Variants in LIN28B observed in about 807,000 individuals in gnomAD.
LIN28B encodes lin-28 RNA binding posttranscriptional regulator B.
A neutral mutation model predicts 21.9 loss-of-function variants in LIN28B; 5 were observed. The observed-to-expected ratio is 0.23, with a 90% CI of 0.12 to 0.48. LIN28B has a LOEUF of 0.48. LIN28B is among the 20% of genes least tolerant of loss of function. LIN28B has a pLI of 0.98. For missense variants in LIN28B, 245 were observed against 310.5 expected, an observed-to-expected ratio of 0.79 and a Z score of 1.58; for synonymous variants, 109 against 111.3, an observed-to-expected ratio of 0.98 and a Z score of 0.13.
upstream of LIN28B, among the ~76,000 whole-genome samples, chr6:104,954,014 T>C (rs189193424): frequency 1.6e-3 from 239 of 152,282 alleles, 2 homozygotes; most frequent in African/African-American, 5.7e-3. Flanking sequence ...ATGGGGATGA[T>C]TGTGATAGCC....
chr6:104,994,452 T>A (rs2181193), intron 2 of LIN28B, among the ~76,000 whole-genome samples: 103,930 of 152,128 alleles, frequency 0.68, 35,575 homozygotes, highest in South Asian at 0.72. Context: ...TATTTAGGAT[T>A]TAAAAATGGA....
intron 2 of LIN28B, among the ~76,000 whole-genome samples, chr6:104,999,986 A>T (rs529232637): frequency 6.6e-6 from 1 of 152,218 alleles, no homozygotes; most frequent in East Asian, 1.9e-4. Flanking sequence ...AAGTTCTTTG[A>T]TTTCCTTGGC....
At chr6:105,020,634 T>C (rs1315102288) in intron 2 of LIN28B, among the ~76,000 whole-genome samples, 2 of 152,064 alleles carry the variant, frequency 1.3e-5, no homozygotes, top group African/African-American at 4.8e-5. Flanking sequence ...GCCAATATTT[T>C]TATAATTCTT....
chr6:104,985,127 A>G (rs1039882601), intron 2 of LIN28B, among the ~76,000 whole-genome samples: 1 of 152,188 alleles, frequency 6.6e-6, no homozygotes, highest in African/African-American at 2.4e-5. Context: ...TAGGGGAGGG[A>G]ACAAAAATAT....
Position 105,078,462 on chromosome 6 carries a change from A to G in LIN28B, c.432A>G (p.Leu144=), listed in dbSNP as rs1772476900. The change falls in exon 4 of 4, where the codon CTA becomes CTG. Residue 144 remains leucine (L), a synonymous_variant. Transcript: ENST00000345080. ...GLDHHAKECS[L]PPQPKKCHYC... is the part of the protein sequence containing the mutation. Reference sequence around the variant, plus strand: ...ATCATCATGCTAAGGAATGTAGTCTACCTCCTCAGCCAAAGAAGTGCCATT... The same window carrying G: ...ATCATCATGCTAAGGAATGTAGTCTGCCTCCTCAGCCAAAGAAGTGCCATT... 6.2e-7 allele frequency: 1 copy of G among 1,613,592 alleles called. No individual in the cohort carries two copies. Among genetic ancestry groups the G allele is most frequent in the South Asian group, 1.1e-5 (1 of 91,060 alleles).
intron 3 of LIN28B, among the ~76,000 whole-genome samples, chr6:105,057,695 T>C (rs952702322): frequency 5.3e-5 from 8 of 152,220 alleles, no homozygotes; most frequent in Non-Finnish European, 8.8e-5. Context: ...TACCACTATA[T>C]TTTAAAATTG....
intron 3 of LIN28B, among the ~76,000 whole-genome samples, chr6:105,067,817 T>C (rs918646471): frequency 6.6e-6 from 1 of 152,170 alleles, no homozygotes; most frequent in Non-Finnish European, 1.5e-5. Flanking sequence ...TATAAAAATG[T>C]CTGGTTTATA....
At position 104,995,965 on chromosome 6, in the gene LIN28B, TTA is replaced by T. The variant is rs201567101; in HGVS notation, c.199-30318_199-30317del. Among the ~76,000 whole-genome samples, 1,112 of 148,348 alleles carry T rather than the reference TTA, an allele frequency of 7.5e-3. 12 individuals carry two copies. Among genetic ancestry groups the T allele is most frequent in the African/African-American group, 0.025 (1,012 of 40,692 alleles). On this transcript the variant is annotated intron_variant, in intron 2 of 3. Coordinates refer to ENST00000345080, the MANE Select transcript of LIN28B (RefSeq NM_001004317.4). ...AAAAATTATTTTAAAATTATATACT[TTA>T]TATATATATATATAAAATACACATA...
intron 2 of LIN28B, among the ~76,000 whole-genome samples, chr6:105,005,472 T>C (rs1205100965): frequency 6.6e-6 from 1 of 152,188 alleles, no homozygotes; most frequent in Non-Finnish European, 1.5e-5. Flanking sequence ...TTTTACTCTT[T>C]GATATGGTTT....
chr6:105,008,656 AAAG>A (rs1468662102), intron 2 of LIN28B, among the ~76,000 whole-genome samples: 1 of 152,122 alleles, frequency 6.6e-6, no homozygotes, highest in Non-Finnish European at 1.5e-5. Flanking sequence ...AAAAAAAAAA[AAAG>A]AGCATACCAA....
rs545326639 is a variant in LIN28B, at chr6:105,025,804, A to G, written c.199-494A>G. ...GCATTATGGTAGACACAGTTCTTTA[A>G]CTCTTTTTTTTTTTAACTCAACAAT... On this transcript the variant is annotated intron_variant, in intron 2 of 3. Coordinates refer to ENST00000345080, the MANE Select transcript of LIN28B (RefSeq NM_001004317.4). Among the ~76,000 whole-genome samples the G allele has an allele frequency of 2.0e-5, 3 of 151,540 alleles. No individual in the cohort carries two copies. The South Asian group carries it at 6.3e-4, about 32-fold the overall frequency.
chr6:104,981,770 A>G (rs577608352), intron 2 of LIN28B, among the ~76,000 whole-genome samples: 9 of 152,362 alleles, frequency 5.9e-5, no homozygotes, highest in Non-Finnish European at 1.0e-4. Context: ...AAAACAAGGG[A>G]AAGTTACTTG....
At chr6:105,013,960 G>A (rs1410741546) in intron 2 of LIN28B, among the ~76,000 whole-genome samples, 3 of 151,962 alleles carry the variant, frequency 2.0e-5, no homozygotes, top group African/African-American at 7.3e-5. Flanking sequence ...TTTCTCTTGT[G>A]TTTCTACCTA....
intron 3 of LIN28B, among the ~76,000 whole-genome samples, chr6:105,046,893 G>A (rs1771778962): frequency 6.6e-6 from 1 of 152,122 alleles, no homozygotes; most frequent in African/African-American, 2.4e-5. Flanking sequence ...ATTTGTTTGA[G>A]TTCTTTGTAG....
At chr6:104,963,110 C>T (rs556269349) in intron 2 of LIN28B, among the ~76,000 whole-genome samples, 64 of 152,200 alleles carry the variant, frequency 4.2e-4, no homozygotes, top group East Asian at 3.9e-4. Flanking sequence ...TGCAGTGGCG[C>T]GATCTCTGCT....
chr6:105,048,953 T>G (rs1429640469), intron 3 of LIN28B, among the ~76,000 whole-genome samples: 1 of 152,162 alleles, frequency 6.6e-6, no homozygotes, highest in African/African-American at 2.4e-5. Flanking sequence ...TTTGTTGGTC[T>G]TTTCAAAAAA....
intron 3 of LIN28B, among the ~76,000 whole-genome samples, chr6:105,039,960 C>A (rs1448457014): frequency 1.3e-5 from 2 of 152,072 alleles, no homozygotes; most frequent in Non-Finnish European, 2.9e-5. Context: ...ATTTTGTCTT[C>A]CAATTTAATG....
chr6:105,082,410 A>G lies in LIN28B; in HGVS notation c.*3627A>G, dbSNP rs1407084174. 1 of 152,674 alleles carries G rather than the reference A, an allele frequency of 6.5e-6. No individual in the cohort carries two copies. The highest frequency in any genetic ancestry group is 1.5e-5 in the Non-Finnish European group (1 of 68,046). 9.5% of individuals were successfully genotyped at this position (152,674 alleles called of 1,614,324 possible). A position where few individuals can be genotyped will look rare whatever the true frequency, so the allele number is the denominator to read the frequency against. On this transcript the variant is annotated 3_prime_UTR_variant, in exon 4 of 4. Transcript: ENST00000345080. ...GTTAATAGACTTTGTAACATTCACT[A>G]TAAGATGAATTATACAGGACATGGG...
At chr6:105,021,591 A>G (rs1714865067) in intron 2 of LIN28B, among the ~76,000 whole-genome samples, 1 of 152,136 alleles carries the variant, frequency 6.6e-6, no homozygotes, top group Non-Finnish European at 1.5e-5. Context: ...TCTGATGATT[A>G]GTGATGTAAC....
Sources: gnomAD v4.1 joint callset for allele counts (sites outside exome capture counted in the v4.1 genomes callset) on GRCh38, gnomAD v4.1.1 for gene constraint, MANE v1.5 for transcripts, NCBI Gene and HGNC (gene_info 2026-07-23, HGNC 2026-07-21) for gene names.